The following WDR27 variants were observed in gnomAD, a reference collection of about 807,000 sequenced individuals.
WDR27 encodes the protein WD repeat-containing protein 27.
A neutral mutation model predicts 114.4 loss-of-function variants in WDR27; 100 were observed. The observed-to-expected ratio is 0.87, with a 90% CI of 0.74 to 1.03. The LOEUF (loss-of-function observed/expected upper bound fraction) is 1.03, where lower values mean the gene tolerates loss of function less well. WDR27 is among the 50% of genes least tolerant of loss of function. WDR27 has a pLI of 0.00. For missense variants in WDR27, 1,129 were observed against 1,092.9 expected (o/e 1.03, Z -0.47); for synonymous variants, 449 against 423.1 (o/e 1.06, Z -0.75).
the WDR27 span, among the ~76,000 whole-genome samples, chr6:169,429,328 G>A: frequency 2.0e-5 from 3 of 152,168 alleles, no homozygotes; most frequent in East Asian, 1.9e-4. Flanking sequence ...AGCCGCCCCC[G>A]TGCCAAGGAG....
chr6:169,574,111 G>A (rs558077689), intron 24 of WDR27, among the ~76,000 whole-genome samples: 3 of 152,280 alleles, frequency 2.0e-5, no homozygotes, highest in South Asian at 2.1e-4. Flanking sequence ...CATGTGGCGC[G>A]CAGCTGCAGT....
chr6:169,447,894 G>A, the WDR27 span, among the ~76,000 whole-genome samples: 1 of 152,126 alleles, frequency 6.6e-6, no homozygotes, highest in Non-Finnish European at 1.5e-5. Context: ...TCAGAGTTGG[G>A]AAGTCAATGA....
intron 25 of WDR27, among the ~76,000 whole-genome samples, chr6:169,523,235 A>T (rs1276767487): frequency 2.0e-5 from 3 of 152,098 alleles, no homozygotes; most frequent in African/African-American, 7.2e-5. Flanking sequence ...TCAAGACTGA[A>T]CCATGAAGAA....
chr6:169,436,166 T>C, the WDR27 span, among the ~76,000 whole-genome samples: 2 of 152,164 alleles, frequency 1.3e-5, no homozygotes, highest in African/African-American at 4.8e-5. Context: ...ATCACAAATA[T>C]AGAAATCAAC....
intron 25 of WDR27, among the ~76,000 whole-genome samples, chr6:169,515,508 T>C (rs1250498060): frequency 1.3e-5 from 2 of 152,218 alleles, no homozygotes; most frequent in Non-Finnish European, 2.9e-5. Flanking sequence ...ATGAATTTCA[T>C]AAATGTCAGA....
At chr6:169,540,776 C>A (rs12208718) in intron 25 of WDR27, among the ~76,000 whole-genome samples, 88,375 of 151,922 alleles carry the variant, frequency 0.58, 28,884 homozygotes, top group East Asian at 0.72. Context: ...AATTTTCTGT[C>A]CACCTGCATG....
chr6:169,672,224 T>G (rs2128297648), intron 3 of WDR27, 31 bp downstream of exon 3: 3 of 1,606,530 alleles, frequency 1.9e-6, no homozygotes, highest in Non-Finnish European at 2.6e-6. Flanking sequence ...TTTTGCAGGT[T>G]TTTAAAAACA....
intron 25 of WDR27, among the ~76,000 whole-genome samples, chr6:169,486,748 C>G (rs573811058): frequency 2.4e-4 from 37 of 152,230 alleles, no homozygotes; most frequent in African/African-American, 6.0e-4. Flanking sequence ...CCTCAGCCCC[C>G]CAAAGTGCTG....
chr6:169,651,178 C>CGGGGGGGGGG (rs200606067), intron 14 of WDR27, among the ~76,000 whole-genome samples: 2 of 3,388 alleles, frequency 5.9e-4, no homozygotes, highest in Non-Finnish European at 9.9e-4. Context: ...CACAGCAGTG[C>CGGGGGGGGGG]GGGGCGGGGG....
In WDR27 at chr6:169,701,791, G is replaced by A. The variant is rs1051099473; in HGVS notation, c.-248C>T. On this transcript the variant is annotated 5_prime_UTR_variant, in exon 1 of 26. Transcript: ENST00000448612. ...CCCTCAAATCGCCCCCTTTCCTAGAGACCTCAGCGGAGCCGCGAGCAACCG... is the reference window on the plus strand; with the variant it reads ...CCCTCAAATCGCCCCCTTTCCTAGAAACCTCAGCGGAGCCGCGAGCAACCG... 4 of 286,324 alleles carry A rather than the reference G, an allele frequency of 1.4e-5. 1 individual carries two copies. The highest frequency in any genetic ancestry group is 4.7e-5 in the African/African-American group (2 of 42,242). 17.7% of individuals were successfully genotyped at this position (286,324 alleles called of 1,614,324 possible).
chr6:169,595,756 C>T (rs1806652952), intron 23 of WDR27, among the ~76,000 whole-genome samples: 1 of 146,784 alleles, frequency 6.8e-6, no homozygotes. Flanking sequence ...GCTGAAACTT[C>T]TTCAATCTTA....
chr6:169,473,294 C>A (rs1003458147), intron 25 of WDR27, among the ~76,000 whole-genome samples: 1 of 152,134 alleles, frequency 6.6e-6, no homozygotes, highest in African/African-American at 2.4e-5. Context: ...GAGGCAAGTG[C>A]GCTTGGAGAC....
At chr6:169,441,910 C>T in the WDR27 span, among the ~76,000 whole-genome samples, 1 of 138,764 alleles carries the variant, frequency 7.2e-6, no homozygotes, top group African/African-American at 2.8e-5. Context: ...TCATATGCCA[C>T]CTCAGAAGCA....
chr6:169,484,064 T>G (rs961143230), intron 25 of WDR27, among the ~76,000 whole-genome samples: 1 of 152,098 alleles, frequency 6.6e-6, no homozygotes, highest in African/African-American at 2.4e-5. Context: ...CCACAGCCAA[T>G]GTTGTACTGA....
At chr6:169,444,542 G>T in the WDR27 span, among the ~76,000 whole-genome samples, 2 of 152,116 alleles carry the variant, frequency 1.3e-5, no homozygotes. Flanking sequence ...GGGGCCACAC[G>T]TCTGAGGCCA....
chr6:169,488,837 G>A (rs1789318733), intron 25 of WDR27, among the ~76,000 whole-genome samples: 1 of 152,110 alleles, frequency 6.6e-6, no homozygotes, highest in Non-Finnish European at 1.5e-5. Flanking sequence ...GGTGGGGATG[G>A]CAGCATAATC....
rs554446677 is a variant in WDR27, at chr6:169,654,124, T to C, written c.1403-2116A>G. Among the ~76,000 whole-genome samples the C allele has an allele frequency of 3.3e-5, 5 of 152,240 alleles. No homozygotes were observed. The East Asian group carries it at 9.6e-4, about 29-fold the overall frequency. ...TAAAGGCCCACTTCTCTAATGAAAA[T>C]TGATGCAAAACTCCTCAATAAAATA... is the stretch of plus-strand genomic sequence containing the variant. On this transcript the variant is annotated intron_variant, in intron 13 of 25. Coordinates refer to ENST00000448612, the MANE Select transcript of WDR27 (RefSeq NM_182552.5).
chr6:169,534,933 T>C (rs1014426030), intron 25 of WDR27, among the ~76,000 whole-genome samples: 2 of 151,624 alleles, frequency 1.3e-5, no homozygotes, highest in African/African-American at 4.8e-5. Context: ...TATGGATATC[T>C]ATTAAATTCT....
In WDR27 at chr6:169,702,024, A is replaced by C; in HGVS notation, c.-481T>G. On this transcript the variant is annotated 5_prime_UTR_variant, in exon 1 of 26. Coordinates refer to ENST00000448612, the MANE Select transcript of WDR27 (RefSeq NM_182552.5). ...TGCCAGCCGACCCACGCGAGCCGCTATGGTTACTAGCCCGCCGCCCCTCGC... is the reference window on the plus strand; with the variant it reads ...TGCCAGCCGACCCACGCGAGCCGCTCTGGTTACTAGCCCGCCGCCCCTCGC... 6.7e-6 allele frequency: 3 copies of C among 448,890 alleles called. No homozygotes were observed. Among genetic ancestry groups the C allele is most frequent in the East Asian group, 7.0e-5 (1 of 14,350 alleles). 27.8% of individuals were successfully genotyped at this position (448,890 alleles called of 1,614,324 possible). A position where few individuals can be genotyped will look rare whatever the true frequency, so the allele number is the denominator to read the frequency against.
Sources: allele counts gnomAD v4.1 joint callset (sites outside exome capture counted in the v4.1 genomes callset), GRCh38; gene constraint gnomAD v4.1.1; transcripts MANE v1.5; gene names NCBI Gene and HGNC (gene_info 2026-07-23, HGNC 2026-07-21).